Variants in NKAP observed in about 807,000 individuals in gnomAD.
NKAP encodes the protein NFKB activating protein.
NKAP carries 4 observed loss-of-function variants against 35.6 expected under a neutral mutation model. The observed-to-expected ratio is 0.11, with a 90% CI of 0.06 to 0.26. The LOEUF (loss-of-function observed/expected upper bound fraction) is 0.26. NKAP is among the 10% of genes least tolerant of loss of function. The pLI is 1.00. For synonymous variants in NKAP, 106 were observed against 119.2 expected (o/e 0.89, Z 0.72); for missense variants, 238 against 321.9 (o/e 0.74, Z 1.99).
intron 5 of NKAP, among the ~76,000 whole-genome samples, chrX:119,932,938 G>A (rs1179232114): frequency 2.8e-5 from 3 of 109,073 alleles, no homozygotes; most frequent in Admixed American, 9.9e-5. Flanking sequence ...AGCTGTGATC[G>A]TGCCACTGCA....
intron 2 of NKAP, 104 bp from the exon 3 acceptor site, chrX:119,936,786 T>C (rs770117073): frequency 1.7e-6 from 1 of 579,976 alleles, no homozygotes; most frequent in Admixed American, 3.3e-5. Context: ...GCATCGATTG[T>C]CCAAGAACCA....
chrX:119,925,929 C>CTTTT (rs1305744041), intron 8 of NKAP, among the ~76,000 whole-genome samples: 8,571 of 45,499 alleles, frequency 0.19, 397 homozygotes, highest in Middle Eastern at 0.3. Context: ...ATCCTTTTTT[C>CTTTT]TTTTTTTTTT....
intron 8 of NKAP, among the ~76,000 whole-genome samples, chrX:119,926,423 C>T (rs968255866): frequency 3.2e-4 from 35 of 108,970 alleles, no homozygotes; most frequent in Non-Finnish European, 2.5e-4. Flanking sequence ...TGTGCCACCA[C>T]GCCCGACTAA....
chrX:119,942,145 C>T lies in NKAP; in HGVS notation c.386+1075G>A, dbSNP rs2147850955. ...GGGAGATGTCTTGAGTCTTTTTCTT[C>T]CGGCAGTGGGAGGTAATAAAGTATA... On this transcript the variant is annotated intron_variant, in intron 1 of 8. Coordinates refer to ENST00000371410, the MANE Select transcript of NKAP (RefSeq NM_024528.4). 1.8e-5 allele frequency among the ~76,000 whole-genome samples: 2 copies of T among 111,320 alleles called. 1 individual carries two copies. The highest frequency in any genetic ancestry group is 7.5e-4 in the South Asian group (2 of 2,671).
chrX:119,930,547 A>AG (rs1259114172), intron 7 of NKAP, among the ~76,000 whole-genome samples: 2 of 112,112 alleles, frequency 1.8e-5, no homozygotes, highest in Non-Finnish European at 3.8e-5. Context: ...TGCCAGGCAC[A>AG]GTGGCTCACG....
chrX:119,924,909 C>T lies in NKAP; in HGVS notation c.*311G>A. On this transcript the variant is annotated 3_prime_UTR_variant, in exon 9 of 9. Transcript: ENST00000371410. ...CCATGTTGGCCAGGCTGGTCTCGAA[C>T]TCCTGGCCTCAAGTGATCCACCCGC... 1 of 230,456 alleles carries T rather than the reference C, an allele frequency of 4.3e-6. No individual in the cohort carries two copies. Among genetic ancestry groups the T allele is most frequent in the Non-Finnish European group, 7.7e-6 (1 of 130,314 alleles). 19.0% of individuals were successfully genotyped at this position (230,456 alleles called of 1,213,427 possible).
rs371693619 is a variant in NKAP at position 119,931,421 on chromosome X, G to A, written c.923+515C>T. On this transcript the variant is annotated intron_variant, in intron 7 of 8. Transcript: ENST00000371410. ...CTCAGGAGGCTGAGGCAGGAGAATC[G>A]CTTGAACCTGGGAGGCAGAGGTTGC... Among the ~76,000 whole-genome samples, 681 of 105,420 alleles carry A rather than the reference G, an allele frequency of 6.5e-3. 2 individuals carry two copies. The highest frequency in any genetic ancestry group is 0.022 in the Middle Eastern group (4 of 179). The allele number at this position is 105,420 out of a possible 115,157, so 91.5% of individuals were successfully genotyped here. A position where few individuals can be genotyped will look rare whatever the true frequency, so the allele number is the denominator to read the frequency against.
chrX:119,942,082 T>C (rs1384113244), intron 1 of NKAP, among the ~76,000 whole-genome samples: 1 of 112,258 alleles, frequency 8.9e-6, no homozygotes, highest in African/African-American at 3.2e-5. Flanking sequence ...CTTAGAAATA[T>C]TACAGGCATT....
At chrX:119,933,211 T>C (rs2056750251) in intron 5 of NKAP, among the ~76,000 whole-genome samples, 1 of 111,941 alleles carries the variant, frequency 8.9e-6, no homozygotes. Context: ...AATCAAGCAA[T>C]TATCCTGCTC....
intron 4 of NKAP, among the ~76,000 whole-genome samples, chrX:119,936,008 G>T (rs2056764396): frequency 9.0e-6 from 1 of 111,547 alleles, no homozygotes; most frequent in South Asian, 3.7e-4. Context: ...ATCCCAATCC[G>T]GAGTCAGATT....
intron 5 of NKAP, among the ~76,000 whole-genome samples, chrX:119,933,926 G>A (rs1262184870): frequency 1.8e-5 from 2 of 111,007 alleles, no homozygotes; most frequent in Admixed American, 1.9e-4. Flanking sequence ...GGGCGACAGA[G>A]CGAGACTTCA....
At chrX:119,941,412 C>T (rs1364525756) in intron 1 of NKAP, among the ~76,000 whole-genome samples, 2 of 111,144 alleles carry the variant, frequency 1.8e-5, no homozygotes, top group Non-Finnish European at 3.8e-5. Flanking sequence ...TTAATTATTA[C>T]AATCCCCAAA....
At chrX:119,941,782 C>T (rs774776576) in intron 1 of NKAP, among the ~76,000 whole-genome samples, 4 of 111,313 alleles carry the variant, frequency 3.6e-5, no homozygotes, top group Non-Finnish European at 7.5e-5. Context: ...CATGCCACCA[C>T]GCCCAGCTGA....
chrX:119,934,435 A>AAAAAAAAAAAAAAAAAAAC, intron 5 of NKAP, 59 bp downstream of exon 5: 1 of 581,108 alleles, frequency 1.7e-6, no homozygotes, highest in Non-Finnish European at 2.4e-6. Context: ...TGTCTCAAAA[A>AAAAAAAAAAAAAAAAAAAC]AAAAAAAAAA....
At position 119,924,872 on chromosome X, in the gene NKAP, G is replaced by T. The variant is rs897688653; in HGVS notation, c.*348C>A. 2.2e-5 allele frequency: 4 copies of T among 183,546 alleles called. No individual in the cohort carries two copies. The highest frequency in any genetic ancestry group is 1.3e-4 in the African/African-American group (4 of 30,691). The allele number at this position is 183,546 out of a possible 1,213,427, so 15.1% of individuals were successfully genotyped here. On this transcript the variant is annotated 3_prime_UTR_variant, in exon 9 of 9. Coordinates refer to ENST00000371410, the MANE Select transcript of NKAP (RefSeq NM_024528.4). ...TGGCTGATTTTGTATTTTCAGTAGG[G>T]ACAGGGTTTCACCATGTTGGCCAGG...
chrX:119,926,909 A>C (rs960779841), intron 8 of NKAP, among the ~76,000 whole-genome samples: 1 of 104,012 alleles, frequency 9.6e-6, no homozygotes, highest in Admixed American at 1.1e-4. Flanking sequence ...AAAAATACAA[A>C]AATTAGCTGG....
At chrX:119,941,266 C>A (rs1216766991) in intron 1 of NKAP, among the ~76,000 whole-genome samples, 1 of 112,117 alleles carries the variant, frequency 8.9e-6, no homozygotes, top group African/African-American at 3.2e-5. Context: ...ACTGACATAG[C>A]CTGTGGGTAT....
intron 4 of NKAP, among the ~76,000 whole-genome samples, chrX:119,935,560 T>C (rs183724013): frequency 3.1e-4 from 35 of 111,654 alleles, no homozygotes; most frequent in African/African-American, 1.0e-3. Flanking sequence ...GATAGTGTTG[T>C]AGTTAAGTAT....
At chrX:119,932,725 C>T (rs2056747890) in intron 5 of NKAP, 1 of 110,690 alleles carries the variant, frequency 9.0e-6, no homozygotes, top group African/African-American at 3.3e-5. Flanking sequence ...CCTGTAATCC[C>T]AGCACATTGG....
Sources: gnomAD v4.1 joint callset for allele counts (sites outside exome capture counted in the v4.1 genomes callset) on GRCh38, gnomAD v4.1.1 for gene constraint, MANE v1.5 for transcripts, NCBI Gene and HGNC (gene_info 2026-07-23, HGNC 2026-07-21) for gene names.